FNDC3A: variants seen among roughly 807,000 people sequenced by gnomAD.
FNDC3A encodes fibronectin type-III domain-containing protein 3A.
In FNDC3A, 32 loss-of-function variants were observed where a neutral mutation model predicts 148.9. The ratio of observed to expected loss-of-function variants is 0.21; its 90% CI spans 0.16 to 0.29. The LOEUF is 0.29. Ranked by LOEUF, FNDC3A falls within the 10% of genes least tolerant of loss-of-function variation. The probability of loss-of-function intolerance (pLI) is 1.00; values close to 1 mark genes in which losing one functional copy is unlikely to be tolerated. For synonymous variants in FNDC3A, 472 were observed against 473.6 expected (o/e 1.00, Z 0.04); for missense variants, 1,191 against 1,452.8 (o/e 0.82, Z 2.93).
At chr13:49,135,488 T>A (rs1459763569) in intron 5 of FNDC3A, among the ~76,000 whole-genome samples, 1 of 152,166 alleles carries the variant, frequency 6.6e-6, no homozygotes, top group Non-Finnish European at 1.5e-5. Context: ...TACATTTGGG[T>A]CATTGATTCA....
At chr13:48,998,570 A>T (rs1437367611) in intron 1 of FNDC3A, among the ~76,000 whole-genome samples, 14 of 152,234 alleles carry the variant, frequency 9.2e-5, no homozygotes, top group Admixed American at 9.2e-4. Context: ...AATCTGAAAA[A>T]AATGTGAAAT....
chr13:49,174,308 G>A (rs968559274), intron 11 of FNDC3A, 127 bp from the exon 12 acceptor site: 1 of 658,882 alleles, frequency 1.5e-6, no homozygotes, highest in African/African-American at 1.8e-5. Flanking sequence ...CTGTATCTCA[G>A]CCTTCTCTTG....
intron 2 of FNDC3A, among the ~76,000 whole-genome samples, chr13:49,018,618 T>C (rs1464566066): frequency 7.2e-5 from 11 of 152,404 alleles, no homozygotes; most frequent in African/African-American, 2.4e-4. Flanking sequence ...AGTCATTCTC[T>C]GTCCAGCTTT....
Position 49,203,282 on chromosome 13 carries a change from C to T in FNDC3A, c.3280C>T (p.Gln1094Ter). 1 of 1,600,190 alleles carries T rather than the reference C, an allele frequency of 6.2e-7. No individual in the cohort carries two copies. The change falls in exon 25 of 26, where the codon CAG becomes TAG. Residue 1094 changes from glutamine to a stop codon, truncating the protein, a stop_gained and splice_region_variant. Coordinates refer to ENST00000492622, the MANE Select transcript of FNDC3A (RefSeq NM_001079673.2). LOFTEE classifies it high-confidence loss of function. ...GTTGGGAAAAGATTCAGAATTCAAA[C>T]AGGTATGTACCAAGATATTAATGTG... The part of the protein sequence containing the change: ...VMLGKDSEFK[Q>*]IYKGPDSSFR...
Position 49,174,548 on chromosome 13 carries a change from C to T in FNDC3A, c.1344C>T (p.Asp448=). 1 of 1,611,824 alleles carries T rather than the reference C, an allele frequency of 6.2e-7. No homozygotes were observed. The highest frequency in any genetic ancestry group is 8.5e-7 in the Non-Finnish European group (1 of 1,178,394). The change falls in exon 12 of 26, where the codon GAC becomes GAT. Residue 448 remains aspartate, a synonymous_variant. Coordinates refer to ENST00000492622, the MANE Select transcript of FNDC3A (RefSeq NM_001079673.2). The part of the protein sequence containing the change: ...GCKFRLSARN[D]YGTSGFSEEV... ...AATTCAGACTATCGGCCAGAAATGA[C>T]TATGGTACAAGGTAAGGTGTACTTT...
chr13:49,046,852 A>C (rs1449137470), intron 2 of FNDC3A: 1 of 133,740 alleles, frequency 7.5e-6, no homozygotes, highest in Non-Finnish European at 1.6e-5. Context: ...AAAGTTAAAA[A>C]GTTTTTTTTT....
intron 3 of FNDC3A, among the ~76,000 whole-genome samples, chr13:49,100,161 T>C (rs1593588643): frequency 6.6e-6 from 1 of 152,182 alleles, no homozygotes; most frequent in African/African-American, 2.4e-5. Context: ...TACCTTTAAA[T>C]GCTCTTTAAT....
chr13:49,058,030 A>G (rs150094475), intron 2 of FNDC3A, among the ~76,000 whole-genome samples: 81 of 152,230 alleles, frequency 5.3e-4, no homozygotes, highest in African/African-American at 1.7e-3. Context: ...TTAAGGTAAA[A>G]TGAGGTAATA....
chr13:49,169,227 A>C (rs1433954725), intron 10 of FNDC3A, among the ~76,000 whole-genome samples: 3 of 152,208 alleles, frequency 2.0e-5, no homozygotes, highest in Non-Finnish European at 4.4e-5. Flanking sequence ...GTGGACAGAT[A>C]CCATACATAG....
At chr13:49,111,110 C>T (rs1255411878) in intron 3 of FNDC3A, among the ~76,000 whole-genome samples, 1 of 152,204 alleles carries the variant, frequency 6.6e-6, no homozygotes, top group African/African-American at 2.4e-5. Flanking sequence ...ATCTGAGTTT[C>T]TTCCTTGGGA....
intron 2 of FNDC3A, among the ~76,000 whole-genome samples, chr13:49,035,932 A>G (rs536062131): frequency 6.6e-6 from 1 of 152,226 alleles, no homozygotes; most frequent in East Asian, 1.9e-4. Flanking sequence ...TTATTTGCAA[A>G]TCTTAATTTC....
intron 7 of FNDC3A, among the ~76,000 whole-genome samples, chr13:49,143,586 G>A (rs1882809955): frequency 6.6e-6 from 1 of 152,114 alleles, no homozygotes; most frequent in Admixed American, 6.5e-5. Context: ...GTAAAGGATA[G>A]ACAGGGATTC....
At chr13:49,164,418 C>G (rs1336965216) in intron 8 of FNDC3A, among the ~76,000 whole-genome samples, 1 of 152,182 alleles carries the variant, frequency 6.6e-6, no homozygotes, top group Non-Finnish European at 1.5e-5. Context: ...ATCTGACTCT[C>G]TGAGCTTTCT....
At chr13:49,070,946 T>A (rs1877639536) in intron 2 of FNDC3A, among the ~76,000 whole-genome samples, 1 of 149,844 alleles carries the variant, frequency 6.7e-6, no homozygotes, top group Non-Finnish European at 1.5e-5. Flanking sequence ...TTGCCCAGGT[T>A]GGAGTGCAGT....
chr13:49,178,423 G>A (rs915035251), intron 13 of FNDC3A, 145 bp from the exon 14 acceptor site: 23 of 579,062 alleles, frequency 4.0e-5, no homozygotes, highest in Admixed American at 7.7e-5. Context: ...CAGAAGCATC[G>A]AGGTGAGGAT....
chr13:49,143,431 CTA>C (rs1384008755), intron 7 of FNDC3A, among the ~76,000 whole-genome samples: 4 of 151,960 alleles, frequency 2.6e-5, no homozygotes, highest in Non-Finnish European at 4.4e-5. Flanking sequence ...ATTTTTAAAA[CTA>C]TGTTTGCTAA....
At chr13:48,989,024 A>G (rs1357171458) in intron 1 of FNDC3A, among the ~76,000 whole-genome samples, 4 of 152,212 alleles carry the variant, frequency 2.6e-5, no homozygotes. Flanking sequence ...AAGCTCACAC[A>G]GGGCCAGAAG....
chr13:49,044,624 C>T (rs567375295), intron 2 of FNDC3A: 9 of 195,594 alleles, frequency 4.6e-5, no homozygotes, highest in Middle Eastern at 2.2e-3. Flanking sequence ...AAGCTGAGAT[C>T]GTGTCACTGC....
At chr13:49,162,833 TC>T (rs553241965) in intron 8 of FNDC3A, among the ~76,000 whole-genome samples, 211 of 152,328 alleles carry the variant, frequency 1.4e-3, no homozygotes, top group African/African-American at 4.9e-3. Flanking sequence ...TGCTATTCCT[TC>T]CTGTTTGTTA....
Sources: allele counts gnomAD v4.1 joint callset (sites outside exome capture counted in the v4.1 genomes callset), GRCh38; gene constraint gnomAD v4.1.1; transcripts MANE v1.5; gene names NCBI Gene and HGNC (gene_info 2026-07-23, HGNC 2026-07-21).